COL5A1: variants seen among roughly 807,000 people sequenced by gnomAD.
The protein encoded by COL5A1 is collagen alpha-1(V) chain.
A neutral mutation model predicts 263.7 loss-of-function variants in COL5A1; 16 were observed. The ratio of observed to expected loss-of-function variants is 0.06; its 90% CI spans 0.04 to 0.09. The LOEUF (loss-of-function observed/expected upper bound fraction) is 0.09. Ranked by LOEUF, COL5A1 falls within the 10% of genes least tolerant of loss-of-function variation. The pLI is 1.00. For missense variants in COL5A1, 2,036 were observed against 2,540.5 expected (o/e 0.80, Z 4.27); for synonymous variants, 1,012 against 1,004.5 (o/e 1.01, Z -0.14).
At position 134,642,342 on chromosome 9, in the gene COL5A1, G is replaced by GCCCGGGCGCCGCTGTCATC. The variant is rs1245648561; in HGVS notation, c.109+57_109+75dup. 7.9e-6 allele frequency: 4 copies of GCCCGGGCGCCGCTGTCATC among 503,464 alleles called. No homozygotes were observed. The highest frequency in any genetic ancestry group is 4.1e-5 in the African/African-American group (2 of 48,786). 31.2% of individuals were successfully genotyped at this position (503,464 alleles called of 1,614,324 possible). ...GGGGCTGCGGGATGGGGCGCGCGCA[G>GCCCGGGCGCCGCTGTCATC]CCCGGGCGCCGCTGTCATCCCCGGG... On this transcript the variant is annotated intron_variant, in intron 1 of 65. Transcript: ENST00000371817. The surrounding 1 kb of genome is among the most constrained non-coding windows in gnomAD (Gnocchi z 4.5).
In COL5A1 at chr9:134,790,609, T is replaced by C. The variant is rs62571369; in HGVS notation, c.2700+1401T>C. Among the ~76,000 whole-genome samples, 399 of 73,454 alleles carry C rather than the reference T, an allele frequency of 5.4e-3. 3 individuals carry two copies. Among genetic ancestry groups the C allele is most frequent in the African/African-American group, 0.018 (317 of 17,180 alleles). 48.2% of individuals were successfully genotyped at this position (73,454 alleles called of 152,430 possible). On this transcript the variant is annotated intron_variant, in intron 32 of 65. Transcript: ENST00000371817. Reference sequence around the variant, plus strand: ...ATCCATCTATCCATCCACCCACCCATCCATCCATCCATCCATCCATCCATC... The same window carrying C: ...ATCCATCTATCCATCCACCCACCCACCCATCCATCCATCCATCCATCCATC...
intron 18 of COL5A1, among the ~76,000 whole-genome samples, chr9:134,760,890 C>T (rs1211805463): frequency 6.7e-6 from 1 of 150,078 alleles, no homozygotes; most frequent in Admixed American, 6.6e-5. Context: ...CATACATACC[C>T]ACACACGCAT....
Position 134,813,999 on chromosome 9 carries a change from C to G in COL5A1, c.3869C>G (p.Ala1290Gly), listed in dbSNP as rs1387270096. The change falls in exon 49 of 66, where the codon GCA becomes GGA. Residue 1290 changes from alanine to glycine, a missense_variant. Transcript: ENST00000371817. Reference sequence around the variant, plus strand: ...TCTCCCTAGGGCGAGCCTGGCGAAGCAGGTGAGCCTGGCCTTCCGGGAGAA... The same window carrying G: ...TCTCCCTAGGGCGAGCCTGGCGAAGGAGGTGAGCCTGGCCTTCCGGGAGAA... ...AVGEKGEPGE[A>G]GEPGLPGEGG... 7.1e-6 allele frequency: 11 copies of G among 1,550,932 alleles called. No homozygotes were observed. The highest frequency in any genetic ancestry group is 9.6e-6 in the Non-Finnish European group (11 of 1,147,110).
Position 134,786,061 on chromosome 9 carries a change from C to A in COL5A1, c.2646+13C>A. 6.2e-7 allele frequency: 1 copy of A among 1,608,516 alleles called. No homozygotes were observed. ...ACAAGGACCAAAGGTAACTTCTGGC[C>A]GTGTTAGGTGTCCCGGGACAGGCGG... On this transcript the variant is annotated intron_variant, in intron 31 of 65. Coordinates refer to ENST00000371817, the MANE Select transcript of COL5A1 (RefSeq NM_000093.5).
chr9:134,750,026 G>A (rs914633356), intron 11 of COL5A1, among the ~76,000 whole-genome samples: 4 of 152,154 alleles, frequency 2.6e-5, no homozygotes, highest in African/African-American at 7.2e-5. Context: ...GCTGTGTTGC[G>A]TGTCCATCCA....
intron 41 of COL5A1, 145 bp downstream of exon 41, chr9:134,805,359 G>A (rs1296202296): frequency 3.2e-6 from 3 of 938,044 alleles, no homozygotes; most frequent in Admixed American, 3.8e-5. Flanking sequence ...ATGGCCTTCA[G>A]GGAGATGCGG....
intron 63 of COL5A1, among the ~76,000 whole-genome samples, chr9:134,826,435 T>C (rs1378923772): frequency 6.6e-6 from 1 of 152,212 alleles, no homozygotes; most frequent in African/African-American, 2.4e-5. Flanking sequence ...TTTTGTGGCA[T>C]GTCACTTAAA....
At chr9:134,720,452 A>C (rs938914017) in intron 4 of COL5A1, among the ~76,000 whole-genome samples, 1 of 152,202 alleles carries the variant, frequency 6.6e-6, no homozygotes, top group African/African-American at 2.4e-5. Flanking sequence ...CACAGGATGC[A>C]CTGTGAAAAT....
chr9:134,732,019 T>C, intron 8 of COL5A1, 52 bp from the exon 9 acceptor site: 1 of 1,602,054 alleles, frequency 6.2e-7, no homozygotes, highest in Non-Finnish European at 8.6e-7. Flanking sequence ...CTGGACTTTC[T>C]TTCTCACTTT....
rs1832855638 is a variant in COL5A1 at position 134,681,503 on chromosome 9, G to A, written c.110-9409G>A. Among the ~76,000 whole-genome samples, 1 of 152,214 alleles carries A rather than the reference G, an allele frequency of 6.6e-6. No individual in the cohort carries two copies. Among genetic ancestry groups the A allele is most frequent in the South Asian group, 2.1e-4 (1 of 4,830 alleles). On this transcript the variant is annotated intron_variant, in intron 1 of 65. Coordinates refer to ENST00000371817, the MANE Select transcript of COL5A1 (RefSeq NM_000093.5). The surrounding 1 kb of genome is among the most constrained non-coding windows in gnomAD (Gnocchi z 4.3). The stretch of plus-strand genomic sequence containing the variant: ...AGTGATGGGGCCACGGGTGGGACCG[G>A]AATGGAGGCTGCCAGCTGTGTCTGG...
At chr9:134,753,929 T>C (rs750563595) in intron 15 of COL5A1, 26 bp downstream of exon 15, 1 of 1,605,506 alleles carries the variant, frequency 6.2e-7, no homozygotes, top group Non-Finnish European at 8.5e-7. Context: ...GCCTTCGCTG[T>C]CTGGTGGGCG....
At position 134,652,311 on chromosome 9, in the gene COL5A1, C is replaced by G. The variant is rs75751788; in HGVS notation, c.109+10015C>G. Reference sequence around the variant, plus strand: ...GGGCCGGTGTGGCGGTAACAGTGAGCTGGTGACAGCAGGCAGACCCAGTGT... The same window carrying G: ...GGGCCGGTGTGGCGGTAACAGTGAGGTGGTGACAGCAGGCAGACCCAGTGT... On this transcript the variant is annotated intron_variant, in intron 1 of 65. Coordinates refer to ENST00000371817, the MANE Select transcript of COL5A1 (RefSeq NM_000093.5). The surrounding 1 kb of genome is among the most constrained non-coding windows in gnomAD (Gnocchi z 4.4). Among the ~76,000 whole-genome samples, 1 of 148,654 alleles carries G rather than the reference C, an allele frequency of 6.7e-6. No individual in the cohort carries two copies. Among genetic ancestry groups the G allele is most frequent in the Admixed American group, 6.8e-5 (1 of 14,806 alleles).
chr9:134,792,799 GTGTGCGTGCA>G (rs1388200735), intron 32 of COL5A1, among the ~76,000 whole-genome samples: 20 of 137,820 alleles, frequency 1.5e-4, no homozygotes, highest in African/African-American at 5.1e-4. Flanking sequence ...GTGTGTGCAT[GTGTGCGTGCA>G]TGTGTGTGCA....
chr9:134,701,680 T>C (rs1833682024), intron 4 of COL5A1, among the ~76,000 whole-genome samples: 1 of 152,138 alleles, frequency 6.6e-6, no homozygotes, highest in South Asian at 2.1e-4. Flanking sequence ...TCCTGCCGTC[T>C]GTATCCGAGG....
rs1255313197 is a variant in COL5A1 at position 134,759,596 on chromosome 9, AC to A, written c.1935+1305del. Among the ~76,000 whole-genome samples the A allele has an allele frequency of 2.9e-4, 31 of 105,500 alleles. 3 individuals carry two copies. The highest frequency in any genetic ancestry group is 1.4e-3 in the African/African-American group (30 of 21,892). 69.2% of individuals were successfully genotyped at this position (105,500 alleles called of 152,430 possible). A position where few individuals can be genotyped will look rare whatever the true frequency, so the allele number is the denominator to read the frequency against. ...ACCACACACCCCCACACATGCATAC[AC>A]CCCCACACCCCCACACACATATGCA... is the stretch of plus-strand genomic sequence containing the variant. On this transcript the variant is annotated intron_variant, in intron 18 of 65. Transcript: ENST00000371817.
rs35171316 is a variant in COL5A1 at position 134,801,788 on chromosome 9, GA to G, written c.2953-153del. Among the ~76,000 whole-genome samples the G allele has an allele frequency of 0.071, 9,455 of 132,480 alleles. 444 individuals are homozygous for G. The highest frequency in any genetic ancestry group is 0.13 in the African/African-American group (4,790 of 36,338). The allele number at this position is 132,480 out of a possible 152,430, so 86.9% of individuals were successfully genotyped here. ...GGCGACAGAGCGAGACTCTCCATCT[GA>G]AAAAAAAAAAAATGAAACAAGAGAC... On this transcript the variant is annotated intron_variant, in intron 37 of 65. Transcript: ENST00000371817.
In COL5A1 at chr9:134,700,181, T is replaced by C. The variant is rs1833620142; in HGVS notation, c.491+59T>C. The C allele has an allele frequency of 2.0e-6, 3 of 1,511,096 alleles. No homozygotes were observed. The highest frequency in any genetic ancestry group is 1.7e-5 in the Admixed American group (1 of 58,342). 93.6% of individuals were successfully genotyped at this position (1,511,096 alleles called of 1,614,324 possible). A position where few individuals can be genotyped will look rare whatever the true frequency, so the allele number is the denominator to read the frequency against. On this transcript the variant is annotated intron_variant, in intron 3 of 65. Transcript: ENST00000371817. This position sits in a 1 kb window ranked among gnomAD's most constrained non-coding sequence, Gnocchi z 4.0. ...CTGGAGGGGGGATCAGGCCAGCTCA[T>C]ACCACTGACCAGATGTGGGGCACAG...
At chr9:134,665,917 G>A (rs935140786) in intron 1 of COL5A1, among the ~76,000 whole-genome samples, 2 of 152,076 alleles carry the variant, frequency 1.3e-5, no homozygotes, top group Non-Finnish European at 2.9e-5. Flanking sequence ...GTGAAACCCC[G>A]TCTCTACTAA....
At chr9:134,823,963 C>T (rs1340552729) in intron 61 of COL5A1, among the ~76,000 whole-genome samples, 1 of 151,490 alleles carries the variant, frequency 6.6e-6, no homozygotes, top group African/African-American at 2.4e-5. Flanking sequence ...CATGCATGGC[C>T]GTGTGTGTGT....
Sources: gnomAD v4.1 joint callset for allele counts (sites outside exome capture counted in the v4.1 genomes callset) on GRCh38, gnomAD v4.1.1 for gene constraint, Gnocchi (gnomAD v3.1) non-coding constraint, MANE v1.5 for transcripts, NCBI Gene and HGNC (gene_info 2026-07-23, HGNC 2026-07-21) for gene names.